Variants in PTPRM observed in about 807,000 individuals in gnomAD.
PTPRM encodes the protein protein tyrosine phosphatase receptor type M.
Under a neutral mutation model 186.7 loss-of-function variants are expected in PTPRM, and 47 were observed. The observed-to-expected ratio is 0.25, with a 90% CI of 0.20 to 0.32. PTPRM has a LOEUF of 0.32. PTPRM is among the 10% of genes least tolerant of loss of function. PTPRM has a pLI of 1.00. For missense variants in PTPRM, 1,494 were observed against 1,865.0 expected (o/e 0.80, Z 3.66); for synonymous variants, 668 against 674.9 (o/e 0.99, Z 0.16).
intron 1 of PTPRM, among the ~76,000 whole-genome samples, chr18:7,734,084 A>G (rs915231946): frequency 6.6e-6 from 1 of 152,200 alleles, no homozygotes; most frequent in South Asian, 2.1e-4. Flanking sequence ...CCAAACCTAC[A>G]TCCAAAAGTA....
intron 2 of PTPRM, among the ~76,000 whole-genome samples, chr18:7,790,889 T>C (rs1190623200): frequency 3.3e-5 from 5 of 151,954 alleles, no homozygotes; most frequent in Non-Finnish European, 7.4e-5. Flanking sequence ...CTCTTAATAA[T>C]TGAAAATGAA....
At chr18:8,356,460 A>G (rs1378645168) in intron 23 of PTPRM, among the ~76,000 whole-genome samples, 1 of 152,192 alleles carries the variant, frequency 6.6e-6, no homozygotes, top group Non-Finnish European at 1.5e-5. Context: ...CTGAGCCTGC[A>G]GAGCAGAGAC....
At chr18:8,155,256 A>G (rs932639917) in intron 14 of PTPRM, among the ~76,000 whole-genome samples, 5 of 152,186 alleles carry the variant, frequency 3.3e-5, no homozygotes, top group Non-Finnish European at 4.4e-5. Context: ...AGCACTATCA[A>G]TTTTACCATG....
At chr18:8,300,844 A>G (rs1419302544) in intron 20 of PTPRM, among the ~76,000 whole-genome samples, 2 of 152,050 alleles carry the variant, frequency 1.3e-5, no homozygotes, top group Non-Finnish European at 2.9e-5. Context: ...CTCACCTTCC[A>G]TGGCGTCCTG....
At position 8,362,488 on chromosome 18, in the gene PTPRM, C is replaced by T. The variant is rs116108820; in HGVS notation, c.3055-8402C>T. 8.9e-3 allele frequency among the ~76,000 whole-genome samples: 1,348 copies of T among 152,268 alleles called. 7 individuals are homozygous for T. Among genetic ancestry groups the T allele is most frequent in the African/African-American group, 0.015 (644 of 41,558 alleles). ...CAAGAAGGGCCTCAGAAGCAGCTGA[C>T]GGTCACAAAATAGTGACTGCTTCCT... On this transcript the variant is annotated intron_variant, in intron 23 of 32. Coordinates refer to ENST00000580170, the MANE Select transcript of PTPRM (RefSeq NM_001105244.2).
chr18:8,040,526 A>G (rs980362594), intron 7 of PTPRM, among the ~76,000 whole-genome samples: 6 of 152,334 alleles, frequency 3.9e-5, no homozygotes, highest in African/African-American at 1.4e-4. Context: ...GTTTGTAAAC[A>G]GTGATATGTA....
intron 20 of PTPRM, among the ~76,000 whole-genome samples, chr18:8,301,711 A>G (rs1048870080): frequency 2.6e-5 from 4 of 152,260 alleles, no homozygotes; most frequent in African/African-American, 7.2e-5. Context: ...ACAGGATGCT[A>G]TGCTGGTGTC....
chr18:7,888,492 G>A, intron 3 of PTPRM, 115 bp downstream of exon 3: 1 of 1,217,760 alleles, frequency 8.2e-7, no homozygotes, highest in South Asian at 1.7e-5. Flanking sequence ...TGGCAAGGTT[G>A]TGGAGAAAGG....
intron 4 of PTPRM, among the ~76,000 whole-genome samples, chr18:7,922,132 A>G (rs932874481): frequency 1.3e-5 from 2 of 152,162 alleles, no homozygotes; most frequent in Non-Finnish European, 2.9e-5. Context: ...AGTTTGCCTC[A>G]GTTATGGTAA....
At chr18:8,119,300 G>A (rs8098561) in intron 13 of PTPRM, among the ~76,000 whole-genome samples, 3,759 of 152,092 alleles carry the variant, frequency 0.025, 112 homozygotes, top group African/African-American at 0.072. Flanking sequence ...TCTACAGACT[G>A]TTTTTCTGTT....
In PTPRM at chr18:8,087,055, A is replaced by C. The variant is rs993781480; in HGVS notation, c.1753+1183A>C. On this transcript the variant is annotated intron_variant, in intron 10 of 32. Transcript: ENST00000580170. ...AGACCACTGGACTTGGAATCAAAAA[A>C]TCTAGGTTCTAGTTATGATTTTGCC... 3.3e-5 allele frequency among the ~76,000 whole-genome samples: 5 copies of C among 152,116 alleles called. 1 individual carries two copies. Among genetic ancestry groups the C allele is most frequent in the Middle Eastern group, 3.2e-3 (1 of 316 alleles).
intron 14 of PTPRM, among the ~76,000 whole-genome samples, chr18:8,150,556 C>A (rs2146217734): frequency 6.6e-6 from 1 of 152,222 alleles, no homozygotes; most frequent in Non-Finnish European, 1.5e-5. Flanking sequence ...CTAACCTTTT[C>A]TCAAGGTTCT....
At chr18:7,697,815 G>T (rs1341909891) in intron 1 of PTPRM, among the ~76,000 whole-genome samples, 1 of 152,188 alleles carries the variant, frequency 6.6e-6, no homozygotes, top group African/African-American at 2.4e-5. Context: ...GGAGATGGAG[G>T]TGGAATTCAT....
chr18:8,240,651 G>GAGAA (rs761192602), intron 14 of PTPRM, among the ~76,000 whole-genome samples: 370 of 33,756 alleles, frequency 0.011, 4 homozygotes, highest in East Asian at 0.015. Context: ...GAGAGAGAGA[G>GAGAA]AGAAAGAAAG....
At chr18:8,098,574 A>G (rs1247610352) in intron 11 of PTPRM, among the ~76,000 whole-genome samples, 2 of 152,208 alleles carry the variant, frequency 1.3e-5, no homozygotes, top group African/African-American at 4.8e-5. Context: ...GCAGAGCTAT[A>G]AAAGAACACC....
rs2036464194 is a variant in PTPRM, at chr18:7,567,870, G to A, written c.52G>A (p.Ala18Thr). 2 of 1,562,202 alleles carry A rather than the reference G, an allele frequency of 1.3e-6. No homozygotes were observed. Among genetic ancestry groups the A allele is most frequent in the Non-Finnish European group, 8.6e-7 (1 of 1,158,236 alleles). The change falls in exon 1 of 33, where the codon GCG becomes ACG. Residue 18 changes from alanine to threonine, a missense_variant. By Grantham distance (58) the Ala-to-Thr change is moderately conservative (BLOSUM62 0). Transcript: ENST00000580170. The surrounding 1 kb of genome is among the most constrained non-coding windows in gnomAD (Gnocchi z 4.3). ...LATLAGLLLT[A>T]AGETFSGGCL... The stretch of plus-strand genomic sequence containing the variant: ...GACTTTGGCCGGACTTTTGCTAACT[G>A]CGGCGGGCGAGACGTTCTCAGGTAA...
chr18:8,382,897 G>A (rs2095745919), intron 29 of PTPRM, among the ~76,000 whole-genome samples: 1 of 152,158 alleles, frequency 6.6e-6, no homozygotes, highest in African/African-American at 2.4e-5. Context: ...AAAATTAGGT[G>A]ATTGTCTTCC....
At chr18:7,881,775 T>G (rs1296047696) in intron 2 of PTPRM, among the ~76,000 whole-genome samples, 1 of 152,156 alleles carries the variant, frequency 6.6e-6, no homozygotes, top group African/African-American at 2.4e-5. Context: ...TGGCACCCTT[T>G]ATTTTCTCCT....
chr18:8,363,433 G>C (rs2095608807), intron 23 of PTPRM, among the ~76,000 whole-genome samples: 1 of 152,130 alleles, frequency 6.6e-6, no homozygotes, highest in African/African-American at 2.4e-5. Context: ...AGAAAATACG[G>C]ATTTCTTTTC....
Sources: allele counts gnomAD v4.1 joint callset (sites outside exome capture counted in the v4.1 genomes callset), GRCh38; gene constraint gnomAD v4.1.1; non-coding constraint Gnocchi (gnomAD v3.1); transcripts MANE v1.5; gene names NCBI Gene and HGNC (gene_info 2026-07-23, HGNC 2026-07-21).